Variants in CDH4 observed in about 807,000 individuals in gnomAD.
CDH4 encodes cadherin 4.
CDH4 carries 33 observed loss-of-function variants against 86.0 expected under a neutral mutation model. That is an observed-to-expected ratio of 0.38 (90% CI 0.29 to 0.51). CDH4 has a LOEUF of 0.51. Among genes scored for constraint, CDH4 ranks in the 20% least tolerant of loss-of-function variants. The probability of loss-of-function intolerance (pLI) is 0.86; values close to 1 mark genes in which losing one functional copy is unlikely to be tolerated. For missense variants in CDH4, 1,114 were observed against 1,307.4 expected, an observed-to-expected ratio of 0.85 and a Z score of 2.28; for synonymous variants, 555 against 549.4, an observed-to-expected ratio of 1.01 and a Z score of -0.14.
At chr20:61,758,009 G>A (rs556050457) in intron 3 of CDH4, among the ~76,000 whole-genome samples, 1 of 152,188 alleles carries the variant, frequency 6.6e-6, no homozygotes, top group Non-Finnish European at 1.5e-5. Flanking sequence ...TTGGGGACAC[G>A]ACAGAGGACG....
At chr20:61,315,157 A>T (rs2084469523) in intron 2 of CDH4, among the ~76,000 whole-genome samples, 2 of 152,202 alleles carry the variant, frequency 1.3e-5, no homozygotes, top group East Asian at 1.9e-4. Flanking sequence ...GACCGGCCTC[A>T]TCCTGAAGCT....
intron 6 of CDH4, among the ~76,000 whole-genome samples, chr20:61,868,026 G>A (rs920933272): frequency 2.0e-5 from 3 of 152,214 alleles, no homozygotes; most frequent in Non-Finnish European, 4.4e-5. Context: ...GCAATTATTC[G>A]TAACCAAAAA....
chr20:61,287,529 A>G (rs935587589), intron 2 of CDH4, among the ~76,000 whole-genome samples: 3 of 152,222 alleles, frequency 2.0e-5, no homozygotes, highest in African/African-American at 7.2e-5. Flanking sequence ...AGCCCTATTC[A>G]TTTTCTACAG....
At chr20:61,822,917 C>T (rs889234049) in intron 4 of CDH4, among the ~76,000 whole-genome samples, 1 of 152,214 alleles carries the variant, frequency 6.6e-6, no homozygotes, top group Non-Finnish European at 1.5e-5. Flanking sequence ...GGTAACCCAA[C>T]TGCCGTCACC....
In CDH4 at chr20:61,429,109, C is replaced by T. The variant is rs2085230516; in HGVS notation, c.169+174172C>T. 3.3e-5 allele frequency among the ~76,000 whole-genome samples: 5 copies of T among 152,256 alleles called. No individual in the cohort carries two copies. In the South Asian group the frequency reaches 1.0e-3, roughly 32 times the overall value. ...ACGATAGCTTACCTATGACGGTAAG[C>T]TTATATAATGACAGCTTATATTTAA... On this transcript the variant is annotated intron_variant, in intron 2 of 15. Transcript: ENST00000614565.
At chr20:61,780,583 G>A (rs1426711065) in intron 4 of CDH4, among the ~76,000 whole-genome samples, 1 of 152,216 alleles carries the variant, frequency 6.6e-6, no homozygotes, top group Admixed American at 6.5e-5. Flanking sequence ...TTACGTTAGG[G>A]ATACAGTACC....
At chr20:61,258,024 C>T (rs538929148) in intron 2 of CDH4, among the ~76,000 whole-genome samples, 129 of 152,272 alleles carry the variant, frequency 8.5e-4, no homozygotes, top group Middle Eastern at 6.8e-3. Flanking sequence ...CACTATGGGC[C>T]ACAGAGTATA....
At chr20:61,685,273 C>T (rs1188886330) in intron 2 of CDH4, among the ~76,000 whole-genome samples, 1 of 152,212 alleles carries the variant, frequency 6.6e-6, no homozygotes, top group Non-Finnish European at 1.5e-5. Context: ...TTGCCTCACT[C>T]TCCATGCGCT....
At chr20:61,917,367 G>C (rs562233334) in intron 9 of CDH4, among the ~76,000 whole-genome samples, 2 of 152,248 alleles carry the variant, frequency 1.3e-5, no homozygotes, top group African/African-American at 4.8e-5. Flanking sequence ...CCCAGGTCCA[G>C]GCTCATCCCA....
chr20:61,268,668 C>G (rs2084169015), intron 2 of CDH4, among the ~76,000 whole-genome samples: 1 of 151,986 alleles, frequency 6.6e-6, no homozygotes, highest in Non-Finnish European at 1.5e-5. Context: ...GAGAGCTCAT[C>G]CTTATAGAAA....
At chr20:61,666,098 G>A (rs2087320994) in intron 2 of CDH4, among the ~76,000 whole-genome samples, 1 of 152,174 alleles carries the variant, frequency 6.6e-6, no homozygotes, top group African/African-American at 2.4e-5. Context: ...TTCCAAAACG[G>A]CAGACAGAAA....
chr20:61,684,502 C>T lies in CDH4; in HGVS notation c.170-59061C>T, dbSNP rs2087552920. 1.3e-5 allele frequency among the ~76,000 whole-genome samples: 2 copies of T among 152,236 alleles called. No individual in the cohort carries two copies. The highest frequency in any genetic ancestry group is 2.9e-5 in the Non-Finnish European group (2 of 68,038). The stretch of plus-strand genomic sequence containing the variant: ...CTGGGCAGAATTCGGAGGCAACCAT[C>T]TCCTGGCCGCCTGTTCCATATCACA... On this transcript the variant is annotated intron_variant, in intron 2 of 15. Coordinates refer to ENST00000614565, the MANE Select transcript of CDH4 (RefSeq NM_001794.5). This position sits in a 1 kb window ranked among gnomAD's most constrained non-coding sequence, Gnocchi z 4.5.
At chr20:61,579,772 T>C (rs1269892060) in intron 2 of CDH4, among the ~76,000 whole-genome samples, 2 of 152,262 alleles carry the variant, frequency 1.3e-5, no homozygotes, top group African/African-American at 4.8e-5. Flanking sequence ...CAAAACTAGA[T>C]GACATTTGCC....
rs926852582 is a variant in CDH4, at chr20:61,879,201, C to T, written c.1050+5301C>T. On this transcript the variant is annotated intron_variant, in intron 7 of 15. Transcript: ENST00000614565. This position sits in a 1 kb window ranked among gnomAD's most constrained non-coding sequence, Gnocchi z 4.1. Reference sequence around the variant, plus strand: ...CGGCCTTCACCCAGCAGAGCCACTGCCCCCCTGGGCCCAGGCCTGCTGAGC... The same window carrying T: ...CGGCCTTCACCCAGCAGAGCCACTGTCCCCCTGGGCCCAGGCCTGCTGAGC... Among the ~76,000 whole-genome samples the T allele has an allele frequency of 3.9e-5, 6 of 152,302 alleles. No individual in the cohort carries two copies. Among genetic ancestry groups the T allele is most frequent in the Middle Eastern group, 3.4e-3 (1 of 294 alleles).
intron 2 of CDH4, among the ~76,000 whole-genome samples, chr20:61,260,712 C>A (rs1364307592): frequency 6.6e-6 from 1 of 152,172 alleles, no homozygotes; most frequent in Non-Finnish European, 1.5e-5. Flanking sequence ...CACGCAGAGC[C>A]CATGAGGGAG....
At position 61,468,823 on chromosome 20, in the gene CDH4, GC is replaced by G. The variant is rs145625059; in HGVS notation, c.169+213888del. On this transcript the variant is annotated intron_variant, in intron 2 of 15. Transcript: ENST00000614565. ...GAACATGCAATATTTATCTCTCTGT[GC>G]CTGGTTTATTTCACTTAACATAATG... Among the ~76,000 whole-genome samples, 599 of 152,204 alleles carry G rather than the reference GC, an allele frequency of 3.9e-3. 9 individuals are homozygous for G. The highest frequency in any genetic ancestry group is 0.014 in the African/African-American group (564 of 41,514).
intron 2 of CDH4, among the ~76,000 whole-genome samples, chr20:61,285,464 A>G (rs1298414851): frequency 6.6e-6 from 1 of 152,244 alleles, no homozygotes; most frequent in African/African-American, 2.4e-5. Flanking sequence ...GCACCCAGGT[A>G]TGGAGAAGAA....
At chr20:61,589,991 GGGAGAGGGAGT>G (rs1378693025) in intron 2 of CDH4, among the ~76,000 whole-genome samples, 1 of 152,022 alleles carries the variant, frequency 6.6e-6, no homozygotes, top group African/African-American at 2.4e-5. Context: ...GTGCCCAGCT[GGGAGAGGGAGT>G]CTCAGGCAGG....
intron 2 of CDH4, among the ~76,000 whole-genome samples, chr20:61,496,358 C>T (rs147128482): frequency 2.0e-5 from 3 of 150,260 alleles, no homozygotes; most frequent in East Asian, 2.0e-4. Flanking sequence ...GAGCCGATCA[C>T]GCCACTGCAC....
Sources: allele counts gnomAD v4.1 joint callset (sites outside exome capture counted in the v4.1 genomes callset), GRCh38; gene constraint gnomAD v4.1.1; non-coding constraint Gnocchi (gnomAD v3.1); transcripts MANE v1.5; gene names NCBI Gene and HGNC (gene_info 2026-07-23, HGNC 2026-07-21).